Variants in SERPINI2 observed in about 807,000 individuals in gnomAD.
SERPINI2 encodes serpin family I member 2, also known as serpin I2.
In SERPINI2, 48 loss-of-function variants were observed where a neutral mutation model predicts 47.3. The observed-to-expected ratio is 1.02, with a 90% CI of 0.81 to 1.29. SERPINI2 has a LOEUF of 1.29. Ranked by LOEUF, SERPINI2 falls within the 50% of genes most tolerant of loss-of-function variation. The pLI, the probability that SERPINI2 is intolerant of heterozygous loss-of-function variation, is 0.00. For synonymous variants in SERPINI2, 135 were observed against 149.3 expected, an observed-to-expected ratio of 0.90 and a Z score of 0.70; for missense variants, 448 against 456.9, an observed-to-expected ratio of 0.98 and a Z score of 0.18.
At chr3:167,470,065 A>C (rs561302749) in intron 2 of SERPINI2, among the ~76,000 whole-genome samples, 1 of 152,136 alleles carries the variant, frequency 6.6e-6, no homozygotes, top group Non-Finnish European at 1.5e-5. Flanking sequence ...GTTTCTCTAT[A>C]TCATGTATCC....
intron 6 of SERPINI2, among the ~76,000 whole-genome samples, chr3:167,449,844 T>A (rs1489522774): frequency 6.6e-6 from 1 of 152,212 alleles, no homozygotes; most frequent in Non-Finnish European, 1.5e-5. Flanking sequence ...ATGAACTTTT[T>A]CCTATTTAGT....
chr3:167,466,115 A>G (rs1460045619), intron 3 of SERPINI2, among the ~76,000 whole-genome samples: 2 of 152,146 alleles, frequency 1.3e-5, no homozygotes, highest in African/African-American at 4.8e-5. Flanking sequence ...TTGGAAAGGG[A>G]AAAGAATGGA....
chr3:167,442,153 G>C, exon 9 of SERPINI2: 2 of 1,598,784 alleles, frequency 1.3e-6, no homozygotes, highest in Non-Finnish European at 1.7e-6. Flanking sequence ...TGGGTGTCAG[G>C]ATTTGTCACT....
intron 2 of SERPINI2, 65 bp downstream of exon 2, chr3:167,471,523 T>C (rs1319871698): frequency 7.0e-7 from 1 of 1,434,882 alleles, no homozygotes; most frequent in Middle Eastern, 2.0e-4. Flanking sequence ...CCTGAACTTC[T>C]AATATTAAAA....
At chr3:167,475,387 A>T (rs144305841), upstream of SERPINI2, among the ~76,000 whole-genome samples, 561 of 151,890 alleles carry the variant, frequency 3.7e-3, 2 homozygotes, top group Middle Eastern at 0.024. Context: ...TGGCTACCAC[A>T]TCATTATGTC....
chr3:167,459,472 G>A (rs953980831), intron 5 of SERPINI2, among the ~76,000 whole-genome samples: 3 of 151,972 alleles, frequency 2.0e-5, no homozygotes, highest in African/African-American at 7.3e-5. Flanking sequence ...GCAGGATGAT[G>A]TCCAAAATTA....
chr3:167,474,092 G>A, exon 1 of SERPINI2: 1 of 1,014,774 alleles, frequency 9.9e-7, no homozygotes, highest in South Asian at 4.6e-5. Context: ...GAGCGATCAA[G>A]GCCAACTCCA....
chr3:167,476,950 T>C (rs1750497120), upstream of SERPINI2, among the ~76,000 whole-genome samples: 1 of 151,964 alleles, frequency 6.6e-6, no homozygotes. Context: ...CAGATTTCAC[T>C]CCATTGTACT....
upstream of SERPINI2, among the ~76,000 whole-genome samples, chr3:167,474,987 T>A (rs1750447207): frequency 6.6e-6 from 1 of 151,746 alleles, no homozygotes; most frequent in Non-Finnish European, 1.5e-5. Flanking sequence ...TGGAATTCAT[T>A]TTTAAAAACT....
At chr3:167,464,170 T>C (rs1750065943) in intron 5 of SERPINI2, among the ~76,000 whole-genome samples, 1 of 151,996 alleles carries the variant, frequency 6.6e-6, no homozygotes, top group African/African-American at 2.4e-5. Flanking sequence ...CCTGCCACCA[T>C]GCCCAGCTAA....
exon 2 of SERPINI2, chr3:167,471,734 T>A (rs752089337): frequency 1.2e-6 from 2 of 1,613,704 alleles, no homozygotes; most frequent in East Asian, 4.5e-5. Context: ...AACCTCTTGA[T>A]AAAGATCCAC....
At chr3:167,470,477 G>T (rs564869894) in intron 2 of SERPINI2, among the ~76,000 whole-genome samples, 1 of 145,392 alleles carries the variant, frequency 6.9e-6, no homozygotes, top group Non-Finnish European at 1.5e-5. Context: ...GTATCTCAGA[G>T]TAATCCAAAA....
In SERPINI2 at chr3:167,442,573, T is replaced by C. The variant is rs1749358174; in HGVS notation, c.1142-388A>G. Among the ~76,000 whole-genome samples the C allele has an allele frequency of 2.6e-5, 4 of 152,300 alleles. No individual in the cohort carries two copies. The South Asian group carries it at 8.3e-4, about 32-fold the overall frequency. Reference sequence around the variant, plus strand: ...AAATTTAAGGCATTAGCAATCATCATTTTATGCATGTAATGTAAGTCTTAA... The same window carrying C: ...AAATTTAAGGCATTAGCAATCATCACTTTATGCATGTAATGTAAGTCTTAA... On this transcript the variant is annotated intron_variant, in intron 8 of 8. Transcript: ENST00000264677.
At chr3:167,455,796 A>G (rs1276045274) in intron 5 of SERPINI2, among the ~76,000 whole-genome samples, 1 of 152,100 alleles carries the variant, frequency 6.6e-6, no homozygotes, top group Non-Finnish European at 1.5e-5. Context: ...CACATCTTAC[A>G]TGGCTGGAAT....
chr3:167,442,762 T>A (rs1353288479), intron 8 of SERPINI2, among the ~76,000 whole-genome samples: 5 of 152,198 alleles, frequency 3.3e-5, no homozygotes, highest in Non-Finnish European at 7.3e-5. Context: ...ATTCTGTGTT[T>A]GCAAGTGAAA....
intron 5 of SERPINI2, 44 bp downstream of exon 5, chr3:167,465,162 G>T: frequency 6.7e-7 from 1 of 1,500,202 alleles, no homozygotes; most frequent in Non-Finnish European, 9.1e-7. Flanking sequence ...ATTCCTATGT[G>T]AGTGGAAACG....
chr3:167,452,140 T>C (rs1010666896), intron 6 of SERPINI2, among the ~76,000 whole-genome samples: 19 of 152,166 alleles, frequency 1.2e-4, no homozygotes, highest in Admixed American at 3.3e-4. Context: ...TAGAAATAAA[T>C]ACATAAAACA....
At chr3:167,449,181 C>T in intron 7 of SERPINI2, 135 bp downstream of exon 7, 1 of 662,006 alleles carries the variant, frequency 1.5e-6, no homozygotes, top group Non-Finnish European at 2.7e-6. Flanking sequence ...ACAACCATTT[C>T]CTTTTTTTCC....
intron 7 of SERPINI2, among the ~76,000 whole-genome samples, chr3:167,448,588 T>C (rs34359951): frequency 0.19 from 29,046 of 152,100 alleles, 4,112 homozygotes; most frequent in African/African-American, 0.39. Context: ...AGTTGCGCGA[T>C]CTAGGCTCAC....
Sources: gnomAD v4.1 joint callset for allele counts (sites outside exome capture counted in the v4.1 genomes callset) on GRCh38, gnomAD v4.1.1 for gene constraint, MANE v1.5 for transcripts, NCBI Gene and HGNC (gene_info 2026-07-23, HGNC 2026-07-21) for gene names.